Variants in KAT14 observed in about 807,000 individuals in gnomAD.
KAT14 encodes the protein cysteine-rich protein 2-binding protein.
Under a neutral mutation model 78.4 loss-of-function variants are expected in KAT14, and 66 were observed. The observed-to-expected ratio is 0.84, with a 90% CI of 0.69 to 1.03. KAT14 has a LOEUF of 1.03. Among genes scored for constraint, KAT14 ranks in the 50% least tolerant of loss-of-function variants. KAT14 has a pLI of 0.00. For synonymous variants in KAT14, 344 were observed against 359.4 expected (o/e 0.96, Z 0.48); for missense variants, 870 against 972.5 (o/e 0.89, Z 1.40).
intron 7 of KAT14, among the ~76,000 whole-genome samples, chr20:18,169,075 G>A (rs1042577055): frequency 7.2e-5 from 11 of 151,838 alleles, no homozygotes; most frequent in African/African-American, 1.5e-4. Flanking sequence ...TTACTCAGCC[G>A]TGTCCAGTCT....
chr20:18,183,328 C>CA (rs775841077), intron 9 of KAT14, 30 bp downstream of exon 9: 7 of 1,603,632 alleles, frequency 4.4e-6, no homozygotes, highest in Non-Finnish European at 1.7e-6. Flanking sequence ...CCAGGCAGGT[C>CA]ATTTTTCTGT....
At chr20:18,139,777 G>A (rs1301565490) in intron 1 of KAT14, among the ~76,000 whole-genome samples, 2 of 151,920 alleles carry the variant, frequency 1.3e-5, no homozygotes, top group East Asian at 3.9e-4. Flanking sequence ...TGGATGTGTC[G>A]GAAGGTTCAA....
At chr20:18,148,867 C>T (rs942268257) in intron 3 of KAT14, among the ~76,000 whole-genome samples, 4 of 152,120 alleles carry the variant, frequency 2.6e-5, no homozygotes, top group African/African-American at 9.7e-5. Context: ...ACCTCAGCCT[C>T]CCAAAGTGCT....
At chr20:18,167,854 C>T (rs1320516300) in intron 7 of KAT14, among the ~76,000 whole-genome samples, 1 of 150,860 alleles carries the variant, frequency 6.6e-6, no homozygotes, top group African/African-American at 2.4e-5. Flanking sequence ...ATTTATTTTT[C>T]CTTATTCTTT....
intron 3 of KAT14, among the ~76,000 whole-genome samples, chr20:18,147,284 G>A (rs930972858): frequency 2.6e-5 from 4 of 152,134 alleles, no homozygotes; most frequent in African/African-American, 7.2e-5. Flanking sequence ...TTTGTATTGA[G>A]GATAGAGCCT....
At chr20:18,139,675 T>TGTGTGTGTGTGTGTGTGTGTG (rs1568660988) in intron 1 of KAT14, among the ~76,000 whole-genome samples, 1 of 103,746 alleles carries the variant, frequency 9.6e-6, no homozygotes, top group East Asian at 7.9e-4. Context: ...TGTGTGTGTG[T>TGTGTGTGTGTGTGTGTGTGTG]TTATTTTTTT....
intron 1 of KAT14, among the ~76,000 whole-genome samples, chr20:18,138,984 G>C (rs73256064): frequency 6.6e-6 from 1 of 151,888 alleles, no homozygotes; most frequent in Non-Finnish European, 1.5e-5. Flanking sequence ...TTCACCAAGG[G>C]TGAAAATAAT....
chr20:18,175,821 C>G (rs1278762551), intron 7 of KAT14, among the ~76,000 whole-genome samples: 1 of 151,074 alleles, frequency 6.6e-6, no homozygotes. Flanking sequence ...GAGTTTGAGA[C>G]CAGCCTGGGC....
chr20:18,184,544 G>A (rs1568676495), intron 9 of KAT14, 58 bp from the exon 10 acceptor site: 4 of 1,502,890 alleles, frequency 2.7e-6, no homozygotes, highest in South Asian at 1.3e-5. Flanking sequence ...GAACAGCTTG[G>A]TGTTCCTTAA....
In KAT14 at chr20:18,184,802, C is replaced by CT; in HGVS notation, c.2172+11dup. 6.3e-7 allele frequency: 1 copy of CT among 1,596,374 alleles called. No homozygotes were observed. The highest frequency in any genetic ancestry group is 2.3e-5 in the East Asian group (1 of 44,226). ...CTATCATCTGATTCAGGTAAGTTGT[C>CT]TATGTTTATGATTTATCACCTGTGT... On this transcript the variant is annotated intron_variant, in intron 10 of 10. Transcript: ENST00000688188.
chr20:18,162,265 T>C, intron 6 of KAT14, 26 bp downstream of exon 6: 1 of 1,613,146 alleles, frequency 6.2e-7, no homozygotes, highest in East Asian at 2.2e-5. Flanking sequence ...CTTTGCTCTT[T>C]TATTTTGGGT....
chr20:18,165,671 A>T (rs1404651780), intron 7 of KAT14, among the ~76,000 whole-genome samples: 1 of 152,194 alleles, frequency 6.6e-6, no homozygotes, highest in African/African-American at 2.4e-5. Flanking sequence ...GGCTTCCATG[A>T]ACCCCTTCTG....
intron 1 of KAT14, among the ~76,000 whole-genome samples, chr20:18,139,042 C>T (rs750664979): frequency 1.3e-5 from 2 of 152,186 alleles, no homozygotes; most frequent in African/African-American, 2.4e-5. Context: ...TTTGCCTACC[C>T]AGACCTTTGG....
chr20:18,172,824 C>G (rs1437347999), intron 7 of KAT14, among the ~76,000 whole-genome samples: 1 of 152,056 alleles, frequency 6.6e-6, no homozygotes, highest in Admixed American at 6.5e-5. Flanking sequence ...AGATGATGTT[C>G]TGGGTAAGAG....
In KAT14 at chr20:18,162,780, G is replaced by A. The variant is rs1051799098; in HGVS notation, c.1503G>A (p.Arg501=). 4 of 1,614,048 alleles carry A rather than the reference G, an allele frequency of 2.5e-6. No individual in the cohort carries two copies. The highest frequency in any genetic ancestry group is 3.4e-6 in the Non-Finnish European group (4 of 1,180,038). Residue 501 remains arginine, a synonymous_variant, in exon 7 of 11, where the codon AGG becomes AGA. Transcript: ENST00000688188. ...AACTGATTGTCAGACAAGCGAAAAG[G>A]GATAGGGGATTACCACTTTTTGACT... The part of the protein sequence containing the change: ...KRKLIVRQAK[R]DRGLPLFDLD...
In KAT14 at chr20:18,139,449, T is replaced by C. The variant is rs867297705; in HGVS notation, c.-454+1398T>C. Among the ~76,000 whole-genome samples, 8 of 152,146 alleles carry C rather than the reference T, an allele frequency of 5.3e-5. No individual in the cohort carries two copies. In the South Asian group the frequency reaches 6.2e-4, roughly 12 times the overall value. On this transcript the variant is annotated intron_variant, in intron 1 of 10. Coordinates refer to ENST00000688188, the MANE Select transcript of KAT14 (RefSeq NM_001392073.1). ...AACATCAAATGTTCCCGGAAAGTTT[T>C]TACAATGTGACTAAGGCTTGGTCCC...
intron 7 of KAT14, among the ~76,000 whole-genome samples, chr20:18,175,117 A>C (rs1008256773): frequency 2.0e-5 from 3 of 152,052 alleles, no homozygotes; most frequent in Non-Finnish European, 2.9e-5. Context: ...CAGCAAGTTT[A>C]GCAAAATGGG....
chr20:18,139,469 G>C (rs1011055604), intron 1 of KAT14, among the ~76,000 whole-genome samples: 4 of 152,088 alleles, frequency 2.6e-5, no homozygotes, highest in Admixed American at 2.0e-4. Flanking sequence ...ACTAAGGCTT[G>C]GTCCCCACCC....
At chr20:18,157,740 A>G (rs770859947) in intron 4 of KAT14, among the ~76,000 whole-genome samples, 4 of 152,226 alleles carry the variant, frequency 2.6e-5, no homozygotes, top group Admixed American at 6.5e-5. Context: ...TTCACTTAGC[A>G]TAAGTGTCCT....
Sources: gnomAD v4.1 joint callset for allele counts (sites outside exome capture counted in the v4.1 genomes callset) on GRCh38, gnomAD v4.1.1 for gene constraint, MANE v1.5 for transcripts, NCBI Gene and HGNC (gene_info 2026-07-23, HGNC 2026-07-21) for gene names.